Variants in ITPRID1 observed in about 807,000 individuals in gnomAD.
ITPRID1 encodes the protein ITPR interacting domain containing 1.
Under a neutral mutation model 95.4 loss-of-function variants are expected in ITPRID1, and 96 were observed. That is an observed-to-expected ratio of 1.01 (90% CI 0.85 to 1.19). ITPRID1 has a LOEUF of 1.19. Ranked by LOEUF, ITPRID1 falls within the 50% of genes most tolerant of loss-of-function variation. ITPRID1 has a pLI of 0.00. For missense variants in ITPRID1, 1,339 were observed against 1,252.9 expected, an observed-to-expected ratio of 1.07 and a Z score of -1.04; for synonymous variants, 510 against 453.6, an observed-to-expected ratio of 1.12 and a Z score of -1.58.
At chr7:31,557,318 A>C (rs567592065) in intron 5 of ITPRID1, among the ~76,000 whole-genome samples, 96 of 152,152 alleles carry the variant, frequency 6.3e-4, no homozygotes, top group African/African-American at 2.3e-3. Context: ...TTCATCTTAC[A>C]GGTGACCCAG....
At chr7:31,632,858 A>T (rs1031079950) in intron 10 of ITPRID1, among the ~76,000 whole-genome samples, 1 of 151,850 alleles carries the variant, frequency 6.6e-6, no homozygotes, top group African/African-American at 2.4e-5. Flanking sequence ...GTCTGGGGAG[A>T]TTTTTATTTT....
rs532677269 is a variant in ITPRID1 at position 31,524,071 on chromosome 7, C to T, written c.-98+9951C>T. On this transcript the variant is annotated intron_variant, in intron 1 of 14. Coordinates refer to ENST00000615280, the MANE Select transcript of ITPRID1 (RefSeq NM_001257967.3). ...TGGAAGAAAATACTACAGGGGACAG[C>T]GCAGGAAGTATATGTTGGTAATATG... Among the ~76,000 whole-genome samples the T allele has an allele frequency of 4.1e-4, 62 of 152,254 alleles. 1 individual carries two copies. Among genetic ancestry groups the T allele is most frequent in the South Asian group, 1.2e-3 (6 of 4,814 alleles).
At chr7:31,591,146 A>T (rs1785848893) in intron 10 of ITPRID1, among the ~76,000 whole-genome samples, 1 of 152,226 alleles carries the variant, frequency 6.6e-6, no homozygotes. Flanking sequence ...AGTTGACCCC[A>T]GTATTTCATC....
Position 31,603,617 on chromosome 7 carries a change from T to C in ITPRID1, c.1228+20426T>C, listed in dbSNP as rs188244699. 1.9e-3 allele frequency among the ~76,000 whole-genome samples: 284 copies of C among 152,306 alleles called. 2 individuals are homozygous for C. The highest frequency in any genetic ancestry group is 6.5e-3 in the African/African-American group (269 of 41,576). On this transcript the variant is annotated intron_variant, in intron 10 of 14. Transcript: ENST00000615280. ...TTCCATAAGGACACTGTAGTGTTCA[T>C]TCACAATTTTTAAATATTGATTTCT...
intron 1 of ITPRID1, among the ~76,000 whole-genome samples, chr7:31,524,756 C>T (rs1279435708): frequency 6.6e-6 from 1 of 152,112 alleles, no homozygotes; most frequent in African/African-American, 2.4e-5. Flanking sequence ...TTCACCTATC[C>T]TCTGTTATCT....
In ITPRID1 at chr7:31,577,989, C is replaced by T; in HGVS notation, c.725C>T (p.Ser242Leu). 6.2e-7 allele frequency: 1 copy of T among 1,613,770 alleles called. No individual in the cohort carries two copies. Among genetic ancestry groups the T allele is most frequent in the East Asian group, 2.2e-5 (1 of 44,818 alleles). The change falls in exon 9 of 15, where the codon TCA becomes TTA. Residue 242 changes from serine (S) to leucine (L), a missense_variant. Physicochemically the swap from Ser to Leu is moderately radical, Grantham distance 145. Transcript: ENST00000615280. ...GGAGGAGAGAGTGTGCAAAGAACCTCAGTGAGTGCCGCCAAAGAGCATCGA... is the reference window on the plus strand; with the variant it reads ...GGAGGAGAGAGTGTGCAAAGAACCTTAGTGAGTGCCGCCAAAGAGCATCGA... ...KAGGESVQRT[S>L]VSAAKEHRRR...
At position 31,577,892 on chromosome 7, in the gene ITPRID1, C is replaced by T. The variant is rs200848834; in HGVS notation, c.628C>T (p.His210Tyr). 14 of 1,608,676 alleles carry T rather than the reference C, an allele frequency of 8.7e-6. No individual in the cohort carries two copies. In the East Asian group the frequency reaches 2.7e-4, roughly 31 times the overall value. The change falls in exon 9 of 15, where the codon CAT (histidine) becomes TAT (tyrosine). Residue 210 changes from histidine (H) to tyrosine (Y), a missense_variant. Transcript: ENST00000615280. The part of the protein sequence containing the change: ...GRFRQLEILD[H>Y]VTNAFSSLLS... Reference sequence around the variant, plus strand: ...TTTCCGACAGCTGGAAATCCTGGACCATGTGACCAATGCCTTCTCATCTCT... The same window carrying T: ...TTTCCGACAGCTGGAAATCCTGGACTATGTGACCAATGCCTTCTCATCTCT...
At chr7:31,609,747 T>A (rs1024607986) in intron 10 of ITPRID1, among the ~76,000 whole-genome samples, 8 of 151,606 alleles carry the variant, frequency 5.3e-5, no homozygotes, top group South Asian at 2.1e-4. Context: ...ACTTCTTTTT[T>A]AAAATTCTTT....
At chr7:31,568,714 C>T (rs1334314818) in intron 5 of ITPRID1, among the ~76,000 whole-genome samples, 1 of 152,204 alleles carries the variant, frequency 6.6e-6, no homozygotes, top group African/African-American at 2.4e-5. Flanking sequence ...GCACCGCTAT[C>T]AGGCAAATGA....
At chr7:31,526,519 ATGT>A (rs1783425786) in intron 1 of ITPRID1, among the ~76,000 whole-genome samples, 1 of 152,338 alleles carries the variant, frequency 6.6e-6, no homozygotes, top group African/African-American at 2.4e-5. Context: ...AAGTAAGAAA[ATGT>A]TGTAAGACTT....
At chr7:31,619,861 A>T (rs1341103268) in intron 10 of ITPRID1, among the ~76,000 whole-genome samples, 2 of 152,174 alleles carry the variant, frequency 1.3e-5, no homozygotes, top group African/African-American at 2.4e-5. Context: ...AGTCAAAGAA[A>T]GGGGTGACAG....
At chr7:31,574,427 T>C in intron 7 of ITPRID1, 113 bp from the exon 8 acceptor site, 1 of 934,930 alleles carries the variant, frequency 1.1e-6, no homozygotes. Flanking sequence ...CGTTTGTCTA[T>C]TTAGGATCCT....
chr7:31,520,548 TGTGTGTGTGTGTGTGTGAGA>T (rs1267483883), intron 1 of ITPRID1, among the ~76,000 whole-genome samples: 7 of 78,190 alleles, frequency 9.0e-5, no homozygotes, highest in African/African-American at 3.5e-4. Flanking sequence ...TGTGTGTGTG[TGTGTGTGTGTGTGTGTGAGA>T]GAGAGAGAGA....
At chr7:31,620,641 A>T (rs1314583136) in intron 10 of ITPRID1, among the ~76,000 whole-genome samples, 1 of 150,620 alleles carries the variant, frequency 6.6e-6, no homozygotes, top group Non-Finnish European at 1.5e-5. Context: ...AAAAGTAGAT[A>T]AAACCACAAA....
At chr7:31,651,801 G>T in intron 13 of ITPRID1, 138 bp from the exon 14 acceptor site, 231 of 492,244 alleles carry the variant, frequency 4.7e-4, no homozygotes, top group Middle Eastern at 6.2e-4. Context: ...CCTTAGTAAT[G>T]TCTCCAGCTG....
chr7:31,533,616 C>T (rs1783669276), intron 1 of ITPRID1, among the ~76,000 whole-genome samples: 1 of 152,026 alleles, frequency 6.6e-6, no homozygotes, highest in African/African-American at 2.4e-5. Context: ...CTGCACTTTC[C>T]TCTAATTACT....
intron 7 of ITPRID1, 61 bp from the exon 8 acceptor site, chr7:31,574,479 A>T: frequency 6.7e-7 from 1 of 1,491,720 alleles, no homozygotes; most frequent in South Asian, 1.2e-5. Flanking sequence ...TGAGGTGACC[A>T]GAAAAAAATG....
intron 1 of ITPRID1, 83 bp from the exon 2 acceptor site, chr7:31,549,343 G>T (rs1455704507): frequency 2.0e-6 from 2 of 976,724 alleles, no homozygotes; most frequent in Non-Finnish European, 2.8e-6. Flanking sequence ...GACAACACAG[G>T]CTACCCACAA....
intron 10 of ITPRID1, among the ~76,000 whole-genome samples, chr7:31,607,075 C>A (rs1342229166): frequency 6.6e-6 from 1 of 151,976 alleles, no homozygotes; most frequent in Non-Finnish European, 1.5e-5. Flanking sequence ...GTCTTTCTTT[C>A]TTTGGATAGT....
Sources: gnomAD v4.1 joint callset for allele counts (sites outside exome capture counted in the v4.1 genomes callset) on GRCh38, gnomAD v4.1.1 for gene constraint, MANE v1.5 for transcripts, NCBI Gene and HGNC (gene_info 2026-07-23, HGNC 2026-07-21) for gene names.